The following HMOX1 variants were observed in gnomAD, a reference collection of about 807,000 sequenced individuals.
HMOX1 encodes heat shock protein, 32-kD.
A neutral mutation model predicts 27.8 loss-of-function variants in HMOX1; 22 were observed. The observed-to-expected ratio is 0.79, with a 90% CI of 0.57 to 1.13. The LOEUF (loss-of-function observed/expected upper bound fraction) is 1.13. Ranked by LOEUF, HMOX1 falls within the 50% of genes most tolerant of loss-of-function variation. HMOX1 has a pLI of 0.00. For synonymous variants in HMOX1, 153 were observed against 151.6 expected, an observed-to-expected ratio of 1.01 and a Z score of -0.07; for missense variants, 379 against 377.7, an observed-to-expected ratio of 1.00 and a Z score of -0.03.
At chr22:35,382,402 A>G (rs1931404789) in intron 1 of HMOX1, among the ~76,000 whole-genome samples, 1 of 151,344 alleles carries the variant, frequency 6.6e-6, no homozygotes, top group Admixed American at 6.6e-5. Flanking sequence ...CCCAGGCTGG[A>G]GTGCAGTGGC....
In HMOX1 at chr22:35,389,215, C is replaced by CTCTTTCTTTCTT. The variant is rs764232156; in HGVS notation, c.637-635_637-624dup. ...TTTCTTTCTTTCTTTCTTTCTTTCT[C>CTCTTTCTTTCTT]TCTTTCTTTCTTTCTTTCTTTCTTT... is the stretch of plus-strand genomic sequence containing the variant. On this transcript the variant is annotated intron_variant, in intron 3 of 4. Coordinates refer to ENST00000216117, the MANE Select transcript of HMOX1 (RefSeq NM_002133.3). 3.2e-4 allele frequency among the ~76,000 whole-genome samples: 36 copies of CTCTTTCTTTCTT among 112,176 alleles called. 1 individual carries two copies. The highest frequency in any genetic ancestry group is 3.3e-4 in the Non-Finnish European group (19 of 58,266). 73.6% of individuals were successfully genotyped at this position (112,176 alleles called of 152,430 possible).
At position 35,386,993 on chromosome 22, in the gene HMOX1, C is replaced by T; in HGVS notation, c.453C>T (p.Ala151=). The change falls in exon 3 of 5, where the codon GCC becomes GCT. Residue 151 remains alanine, a synonymous_variant. Coordinates refer to ENST00000216117, the MANE Select transcript of HMOX1 (RefSeq NM_002133.3). The part of the protein sequence containing the change: ...LSGGQVLKKI[A]QKALDLPSSG... ...GGGGCCAGGTGCTCAAAAAGATTGCCCAGAAAGCCCTGGACCTGCCCAGCT... is the reference window on the plus strand; with the variant it reads ...GGGGCCAGGTGCTCAAAAAGATTGCTCAGAAAGCCCTGGACCTGCCCAGCT... 7 of 1,613,958 alleles carry T rather than the reference C, an allele frequency of 4.3e-6. No homozygotes were observed. Among genetic ancestry groups the T allele is most frequent in the Non-Finnish European group, 5.1e-6 (6 of 1,180,044 alleles).
At chr22:35,387,929 G>A (rs147281266) in intron 3 of HMOX1, among the ~76,000 whole-genome samples, 2 of 152,112 alleles carry the variant, frequency 1.3e-5, no homozygotes, top group African/African-American at 4.8e-5. Flanking sequence ...AATCCAGTCC[G>A]TCTTGGAGGA....
intron 2 of HMOX1, among the ~76,000 whole-genome samples, chr22:35,385,045 A>C (rs911097555): frequency 1.3e-5 from 2 of 151,860 alleles, no homozygotes; most frequent in African/African-American, 4.8e-5. Flanking sequence ...AGAAACTCCA[A>C]CCTAAATGTC....
chr22:35,387,235 C>A (rs1931535088), intron 3 of HMOX1, 59 bp downstream of exon 3: 1 of 1,602,462 alleles, frequency 6.2e-7, no homozygotes, highest in African/African-American at 1.3e-5. Context: ...TCCAAGGGAC[C>A]CTTCTCATTG....
chr22:35,383,409 C>G (rs1931431157), intron 2 of HMOX1, among the ~76,000 whole-genome samples, 183 bp downstream of exon 2: 1 of 152,182 alleles, frequency 6.6e-6, no homozygotes, highest in Admixed American at 6.5e-5. Context: ...GGTCACACAG[C>G]AAGTTCAGCC....
chr22:35,390,544 T>C (rs1931690541), intron 4 of HMOX1, among the ~76,000 whole-genome samples: 1 of 152,086 alleles, frequency 6.6e-6, no homozygotes, highest in Non-Finnish European at 1.5e-5. Context: ...CGTGTTTTTG[T>C]ATGAGAAGTG....
chr22:35,392,221 CAA>C (rs35400739), intron 4 of HMOX1, among the ~76,000 whole-genome samples: 13 of 90,612 alleles, frequency 1.4e-4, no homozygotes, highest in East Asian at 2.7e-4. Flanking sequence ...GACTCCATCT[CAA>C]AAAAAAAAAA....
In HMOX1 at chr22:35,383,232, T is replaced by C; in HGVS notation, c.144+6T>C. The stretch of plus-strand genomic sequence containing the variant: ...TGACCCGAGACGGCTTCAAGGTATG[T>C]GGCTTGGTGGGACTAGCCCTGGTGG... On this transcript the variant is annotated splice_donor_region_variant and intron_variant, in intron 2 of 4. Coordinates refer to ENST00000216117, the MANE Select transcript of HMOX1 (RefSeq NM_002133.3). 5.0e-6 allele frequency: 8 copies of C among 1,613,020 alleles called. No homozygotes were observed. The highest frequency in any genetic ancestry group is 6.8e-6 in the Non-Finnish European group (8 of 1,179,258).
At chr22:35,386,633 G>T in intron 2 of HMOX1, 52 bp from the exon 3 acceptor site, 1 of 1,612,890 alleles carries the variant, frequency 6.2e-7, no homozygotes, top group Non-Finnish European at 8.5e-7. Context: ...GACGGACAGA[G>T]GTGGGGGTCT....
chr22:35,389,252 C>CTTTTTCTTTCTTT (rs1569057162), intron 3 of HMOX1, among the ~76,000 whole-genome samples: 1 of 58,194 alleles, frequency 1.7e-5, no homozygotes, highest in African/African-American at 1.0e-4. Context: ...TCTTTCTTTT[C>CTTTTTCTTTCTTT]TCTCTCTCTC....
At position 35,393,812 on chromosome 22, in the gene HMOX1, A is replaced by C. The variant is rs1305590722; in HGVS notation, c.*214A>C. On this transcript the variant is annotated 3_prime_UTR_variant, in exon 5 of 5. Coordinates refer to ENST00000216117, the MANE Select transcript of HMOX1 (RefSeq NM_002133.3). ...ACATCCAGGCAATGGCCTAAACTTC[A>C]GAGGGGGCGAAGGGATCAGCCCTGC... 2 of 600,806 alleles carry C rather than the reference A, an allele frequency of 3.3e-6. No homozygotes were observed. The highest frequency in any genetic ancestry group is 6.0e-6 in the Non-Finnish European group (2 of 332,928). The allele number at this position is 600,806 out of a possible 1,614,324, so 37.2% of individuals were successfully genotyped here. A position where few individuals can be genotyped will look rare whatever the true frequency, so the allele number is the denominator to read the frequency against.
At chr22:35,391,894 A>T (rs1365115766) in intron 4 of HMOX1, among the ~76,000 whole-genome samples, 1 of 151,748 alleles carries the variant, frequency 6.6e-6, no homozygotes, top group Non-Finnish European at 1.5e-5. Context: ...TTGATGGCTC[A>T]TGGAATGTGT....
intron 3 of HMOX1, among the ~76,000 whole-genome samples, chr22:35,388,338 G>C (rs1340245475): frequency 2.0e-5 from 3 of 151,942 alleles, no homozygotes; most frequent in African/African-American, 7.3e-5. Flanking sequence ...TGTAGTCCCA[G>C]CTACTTGGGA....
intron 2 of HMOX1, among the ~76,000 whole-genome samples, chr22:35,383,786 C>T (rs1931442236): frequency 6.6e-6 from 1 of 152,186 alleles, no homozygotes; most frequent in African/African-American, 2.4e-5. Context: ...ACGTTTTCCC[C>T]ATCTGTAAAA....
rs1273376177 is a variant in HMOX1, at chr22:35,389,939, C to G, written c.712C>G (p.Gln238Glu). 1.2e-6 allele frequency: 2 copies of G among 1,611,516 alleles called. No homozygotes were observed. Among genetic ancestry groups the G allele is most frequent in the Non-Finnish European group, 1.7e-6 (2 of 1,179,596 alleles). Residue 238 changes from glutamine to glutamate, a missense_variant, in exon 4 of 5, where the codon CAG becomes GAG. Transcript: ENST00000216117. Reference sequence around the variant, plus strand: ...CCCCTCACGGGCACCAGGGCTTCGCCAGCGGGCCAGCAACAAAGTGCAAGG... The same window carrying G: ...CCCCTCACGGGCACCAGGGCTTCGCGAGCGGGCCAGCAACAAAGTGCAAGG... ...QSPSRAPGLRQRASNKVQDSA... is the reference protein window; with the variant it reads ...QSPSRAPGLRERASNKVQDSA...
chr22:35,384,771 T>C (rs567406468), intron 2 of HMOX1, among the ~76,000 whole-genome samples: 9 of 148,896 alleles, frequency 6.0e-5, no homozygotes, highest in African/African-American at 1.7e-4. Context: ...CCATCTAGTA[T>C]GTGGCAGGTG....
At chr22:35,389,322 CTT>C (rs1491548782) in intron 3 of HMOX1, among the ~76,000 whole-genome samples, 4 of 98,864 alleles carry the variant, frequency 4.0e-5, no homozygotes, top group Admixed American at 9.6e-5. Flanking sequence ...TTTCTTTCTT[CTT>C]TCTTTCTTTC....
Position 35,393,580 on chromosome 22 carries a change from A to C in HMOX1, c.849A>C (p.Val283=), listed in dbSNP as rs757010765. The change falls in exon 5 of 5, where the codon GTA becomes GTC. Residue 283 remains valine, a synonymous_variant. Transcript: ENST00000216117. ...GCTTTCTGGTGGCGACAGTTGCTGT[A>C]GGGCTTTATGCCATGTGAATGCAGG... The part of the protein sequence containing the change: ...TLSFLVATVA[V]GLYAM 1.2e-6 allele frequency: 2 copies of C among 1,614,220 alleles called. No individual in the cohort carries two copies. The highest frequency in any genetic ancestry group is 1.7e-6 in the Non-Finnish European group (2 of 1,180,034).
Sources: allele counts gnomAD v4.1 joint callset (sites outside exome capture counted in the v4.1 genomes callset), GRCh38; gene constraint gnomAD v4.1.1; transcripts MANE v1.5; gene names NCBI Gene and HGNC (gene_info 2026-07-23, HGNC 2026-07-21).